CIB4: variants seen among roughly 807,000 people sequenced by gnomAD.
The protein encoded by CIB4 is calcium and integrin-binding family member 4.
CIB4 carries 25 observed loss-of-function variants against 25.8 expected under a neutral mutation model. The observed-to-expected ratio is 0.97, with a 90% CI of 0.71 to 1.35. The LOEUF (loss-of-function observed/expected upper bound fraction) is 1.35, where lower values mean the gene tolerates loss of function less well. Ranked by LOEUF, CIB4 falls within the 40% of genes most tolerant of loss-of-function variation. CIB4 has a pLI of 0.00. For missense variants in CIB4, 235 were observed against 228.2 expected, an observed-to-expected ratio of 1.03 and a Z score of -0.19; for synonymous variants, 75 against 81.4, an observed-to-expected ratio of 0.92 and a Z score of 0.42.
At chr2:26,621,891 G>A (rs1669210455) in intron 3 of CIB4, among the ~76,000 whole-genome samples, 2 of 152,208 alleles carry the variant, frequency 1.3e-5, no homozygotes, top group Non-Finnish European at 2.9e-5. Flanking sequence ...AAATGCCTTT[G>A]GAGAAGACTT....
intron 3 of CIB4, among the ~76,000 whole-genome samples, chr2:26,606,351 A>G (rs2148206907): frequency 6.6e-6 from 1 of 152,338 alleles, no homozygotes; most frequent in Non-Finnish European, 1.5e-5. Context: ...GGACGGACAA[A>G]GGGCTCGGAA....
chr2:26,628,245 G>T (rs1482607536), intron 3 of CIB4, among the ~76,000 whole-genome samples: 1 of 152,158 alleles, frequency 6.6e-6, no homozygotes, highest in Non-Finnish European at 1.5e-5. Context: ...GAAGGGCAGG[G>T]CCTCTTCATA....
rs1158746953 is a variant in CIB4, at chr2:26,627,539, G to C, written c.186+1871C>G. Among the ~76,000 whole-genome samples the C allele has an allele frequency of 6.6e-6, 1 of 152,150 alleles. No homozygotes were observed. Among genetic ancestry groups the C allele is most frequent in the Admixed American group, 6.5e-5 (1 of 15,280 alleles). On this transcript the variant is annotated intron_variant, in intron 3 of 6. Coordinates refer to ENST00000288861, the MANE Select transcript of CIB4 (RefSeq NM_001029881.3). This position sits in a 1 kb window ranked among gnomAD's most constrained non-coding sequence, Gnocchi z 4.0. ...CTGACCCCGGGTCCCTTAGTGGATG[G>C]CCTGGGTTTGAGAGAAGTCCCACCC...
chr2:26,604,699 A>G (rs1263217156), intron 3 of CIB4, among the ~76,000 whole-genome samples: 1 of 152,236 alleles, frequency 6.6e-6, no homozygotes, highest in Admixed American at 6.5e-5. Context: ...GACAGAAGGA[A>G]AATTCCAGAA....
chr2:26,611,470 C>G (rs1011373389), intron 3 of CIB4, among the ~76,000 whole-genome samples: 2 of 152,112 alleles, frequency 1.3e-5, no homozygotes, highest in African/African-American at 4.8e-5. Flanking sequence ...AAGGATATTC[C>G]AAAGCCCAGG....
intron 3 of CIB4, among the ~76,000 whole-genome samples, chr2:26,623,243 T>C (rs1669238756): frequency 6.6e-6 from 1 of 151,894 alleles, no homozygotes; most frequent in Non-Finnish European, 1.5e-5. Context: ...CTCGGGAGGC[T>C]GAGGCAGGAG....
intron 3 of CIB4, among the ~76,000 whole-genome samples, chr2:26,596,197 A>G (rs1464463491): frequency 1.3e-5 from 2 of 152,224 alleles, no homozygotes; most frequent in East Asian, 3.8e-4. Flanking sequence ...AAACAGAGAC[A>G]TGGACTGAAT....
At position 26,629,495 on chromosome 2, in the gene CIB4, G is replaced by A. The variant is rs185561931; in HGVS notation, c.101C>T (p.Thr34Ile). The part of the protein sequence containing the change: ...TRNEILCIHD[T>I]FLKLCPPGKY... ...CCCAGGAGGGCAGAGCTTCAGGAAG[G>A]TGTCATGGATGCTGAAAAGAGAGGC... is the stretch of plus-strand genomic sequence containing the variant. The change falls in exon 3 of 7, where the codon ACC (threonine) becomes ATC (isoleucine). Residue 34 changes from threonine to isoleucine, a missense_variant. Physicochemically the swap from Thr to Ile is moderately conservative, Grantham distance 89. Coordinates refer to ENST00000288861, the MANE Select transcript of CIB4 (RefSeq NM_001029881.3). 2.5e-6 allele frequency: 4 copies of A among 1,571,356 alleles called. No individual in the cohort carries two copies. The highest frequency in any genetic ancestry group is 1.9e-5 in the Admixed American group (1 of 52,966).
intron 3 of CIB4, 68 bp downstream of exon 3, chr2:26,629,342 A>G: frequency 1.4e-6 from 1 of 738,032 alleles, no homozygotes. Flanking sequence ...CACCCCTCCC[A>G]GCACCCATCA....
At chr2:26,604,956 C>T (rs887311561) in intron 3 of CIB4, among the ~76,000 whole-genome samples, 2 of 152,162 alleles carry the variant, frequency 1.3e-5, no homozygotes, top group Admixed American at 6.5e-5. Flanking sequence ...ACACGCCACC[C>T]CACACAGCAG....
intron 4 of CIB4, among the ~76,000 whole-genome samples, chr2:26,592,195 C>A (rs1668597735): frequency 6.6e-6 from 1 of 152,242 alleles, no homozygotes; most frequent in Admixed American, 6.5e-5. Context: ...TTGGCTAAGA[C>A]AGAAACAGCA....
chr2:26,623,074 T>TGG (rs1234294454), intron 3 of CIB4, among the ~76,000 whole-genome samples: 2 of 151,980 alleles, frequency 1.3e-5, no homozygotes, highest in Non-Finnish European at 2.9e-5. Context: ...CTAGGTATGG[T>TGG]GGTTCATGCC....
At chr2:26,584,333 C>T (rs1668410218) in intron 4 of CIB4, among the ~76,000 whole-genome samples, 1 of 152,132 alleles carries the variant, frequency 6.6e-6, no homozygotes, top group Admixed American at 6.5e-5. Flanking sequence ...AATTCAGAAG[C>T]CAGGGTGTCT....
At chr2:26,618,726 C>T (rs1455078010) in intron 3 of CIB4, among the ~76,000 whole-genome samples, 1 of 152,190 alleles carries the variant, frequency 6.6e-6, no homozygotes, top group African/African-American at 2.4e-5. Context: ...GGGCCTGGTC[C>T]TAGCCTGACC....
chr2:26,590,280 A>AAC (rs1553373387), intron 4 of CIB4, among the ~76,000 whole-genome samples: 2 of 151,056 alleles, frequency 1.3e-5, no homozygotes, highest in Non-Finnish European at 2.9e-5. Flanking sequence ...AAAAAAAAAA[A>AAC]AAAACTCACA....
At position 26,601,232 on chromosome 2, in the gene CIB4, ATATAT is replaced by A. The variant is rs1421423020; in HGVS notation, c.187-5920_187-5916del. Among the ~76,000 whole-genome samples the A allele has an allele frequency of 8.7e-3, 393 of 45,340 alleles. 19 individuals are homozygous for A. Among genetic ancestry groups the A allele is most frequent in the African/African-American group, 0.024 (229 of 9,694 alleles). 29.7% of individuals were successfully genotyped at this position (45,340 alleles called of 152,430 possible). A position where few individuals can be genotyped will look rare whatever the true frequency, so the allele number is the denominator to read the frequency against. ...GAGACCATGTCAAAAAAAAAAAAAAATATATATATATATATATATATATATATATA... is the reference window on the plus strand; with the variant it reads ...GAGACCATGTCAAAAAAAAAAAAAAAATATATATATATATATATATATATA... On this transcript the variant is annotated intron_variant, in intron 3 of 6. Coordinates refer to ENST00000288861, the MANE Select transcript of CIB4 (RefSeq NM_001029881.3).
chr2:26,609,010 A>T (rs552079164), intron 3 of CIB4, among the ~76,000 whole-genome samples: 20 of 152,112 alleles, frequency 1.3e-4, no homozygotes, highest in Non-Finnish European at 1.5e-5. Context: ...GTTTCTATTG[A>T]CAACCGCAGC....
chr2:26,614,487 A>C (rs1264096783), intron 3 of CIB4, among the ~76,000 whole-genome samples: 1 of 152,170 alleles, frequency 6.6e-6, no homozygotes, highest in Non-Finnish European at 1.5e-5. Flanking sequence ...CCTCCTCTGG[A>C]AAGGAGCCTG....
chr2:26,628,800 A>G (rs575527138), intron 3 of CIB4, among the ~76,000 whole-genome samples: 1 of 152,250 alleles, frequency 6.6e-6, no homozygotes, highest in African/African-American at 2.4e-5. Context: ...CAGTCCATTG[A>G]GGCAGCCTGA....
Sources: gnomAD v4.1 joint callset for allele counts (sites outside exome capture counted in the v4.1 genomes callset) on GRCh38, gnomAD v4.1.1 for gene constraint, Gnocchi (gnomAD v3.1) non-coding constraint, MANE v1.5 for transcripts, NCBI Gene and HGNC (gene_info 2026-07-23, HGNC 2026-07-21) for gene names.